Variants in PIK3CA observed in about 807,000 individuals in gnomAD.
PIK3CA encodes phosphatidylinositol-4,5-bisphosphate 3-kinase catalytic subunit alpha.
PIK3CA carries 27 observed loss-of-function variants against 138.2 expected under a neutral mutation model. The observed-to-expected ratio is 0.20, with a 90% confidence interval of 0.14 to 0.27. The LOEUF is 0.27. Ranked by LOEUF, PIK3CA falls within the 10% of genes least tolerant of loss-of-function variation. The pLI is 1.00. For missense variants in PIK3CA, 544 were observed against 1,277.4 expected (o/e 0.43, Z 8.75); for synonymous variants, 358 against 413.2 (o/e 0.87, Z 1.62).
chr3:179,189,058 A>T (rs1403033986), intron 1 of PIK3CA, among the ~76,000 whole-genome samples: 1 of 116,108 alleles, frequency 8.6e-6, no homozygotes, highest in Non-Finnish European at 1.9e-5. Context: ...CTAAAAATAC[A>T]AAAAAGTTAG....
chr3:179,193,670 C>A (rs1318032389), intron 1 of PIK3CA, among the ~76,000 whole-genome samples: 1 of 152,242 alleles, frequency 6.6e-6, no homozygotes, highest in African/African-American at 2.4e-5. Flanking sequence ...GCAAATGGGA[C>A]TGCTCTATTT....
chr3:179,166,068 T>C (rs112194948), intron 1 of PIK3CA, among the ~76,000 whole-genome samples: 5,676 of 152,104 alleles, frequency 0.037, 117 homozygotes, highest in Admixed American at 0.041. Context: ...TTTAGATCTT[T>C]TATTTAATCT....
Position 179,201,436 on chromosome 3 carries a change from G to A in PIK3CA, c.709G>A (p.Glu237Lys), listed in dbSNP as rs1724406892. The A allele has an allele frequency of 1.2e-6, 2 of 1,613,796 alleles. No homozygotes were observed. Among genetic ancestry groups the A allele is most frequent in the Non-Finnish European group, 1.7e-6 (2 of 1,179,864 alleles). The change falls in exon 4 of 21, where the codon GAA becomes AAA. Residue 237 changes from glutamate to lysine, a missense_variant. Glu to Lys is a moderately conservative substitution (Grantham distance 56, BLOSUM62 1). Transcript: ENST00000263967. ...AACTCGAAGTATGTTGCTATCCTCTGAACAACTAAAACTCTGTGTTTTAGA... is the reference window on the plus strand; with the variant it reads ...AACTCGAAGTATGTTGCTATCCTCTAAACAACTAAAACTCTGTGTTTTAGA... ...KKTRSMLLSS[E>K]QLKLCVLEYQ...
chr3:179,222,689 C>T (rs1026386809), intron 14 of PIK3CA, among the ~76,000 whole-genome samples: 4 of 152,128 alleles, frequency 2.6e-5, no homozygotes, highest in Admixed American at 6.6e-5. Context: ...AGCTGCGGCT[C>T]GCTGCTGCTA....
chr3:179,198,570 AAATT>A (rs1724325728), intron 1 of PIK3CA, among the ~76,000 whole-genome samples, 176 bp from the exon 2 acceptor site: 1 of 152,248 alleles, frequency 6.6e-6, no homozygotes, highest in Non-Finnish European at 1.5e-5. Flanking sequence ...CTGCTGAAAT[AAATT>A]CTTTGTAGCC....
intron 1 of PIK3CA, among the ~76,000 whole-genome samples, chr3:179,171,464 A>G (rs1359454054): frequency 1.3e-5 from 2 of 152,156 alleles, no homozygotes; most frequent in Non-Finnish European, 2.9e-5. Flanking sequence ...AAATCAAGGA[A>G]ATCAAAAGCT....
intron 9 of PIK3CA, among the ~76,000 whole-genome samples, chr3:179,213,040 T>C (rs940051238): frequency 6.6e-6 from 1 of 152,094 alleles, no homozygotes; most frequent in Admixed American, 6.5e-5. Flanking sequence ...GGGTCAGCTG[T>C]ATAAATCACA....
At position 179,201,549 on chromosome 3, in the gene PIK3CA, C is replaced by A. The variant is rs2108390271; in HGVS notation, c.813+9C>A. 4.0e-6 allele frequency: 6 copies of A among 1,517,708 alleles called. No individual in the cohort carries two copies. Among genetic ancestry groups the A allele is most frequent in the East Asian group, 4.6e-5 (2 of 43,392 alleles). 94.0% of individuals were successfully genotyped at this position (1,517,708 alleles called of 1,614,324 possible). A position where few individuals can be genotyped will look rare whatever the true frequency, so the allele number is the denominator to read the frequency against. On this transcript the variant is annotated intron_variant, in intron 4 of 20. Coordinates refer to ENST00000263967, the MANE Select transcript of PIK3CA (RefSeq NM_006218.4). ...CTCTGAGTCAGTATAAGGTGAGTAA[C>A]AAGTTTCAAAATATTAATTTTTAAT...
At chr3:179,194,994 C>T (rs1724228834) in intron 1 of PIK3CA, among the ~76,000 whole-genome samples, 1 of 129,494 alleles carries the variant, frequency 7.7e-6, no homozygotes, top group South Asian at 2.7e-4. Context: ...TAGAGCCTGA[C>T]ATTAAGCAGG....
intron 1 of PIK3CA, among the ~76,000 whole-genome samples, chr3:179,154,628 T>TTTCTATA (rs1723089575): frequency 6.6e-6 from 1 of 152,204 alleles, no homozygotes; most frequent in African/African-American, 2.4e-5. Context: ...TTTGTGTCTT[T>TTTCTATA]TTCTATATTG....
chr3:179,199,287 T>A, intron 2 of PIK3CA, 110 bp downstream of exon 2: 1 of 646,444 alleles, frequency 1.5e-6, no homozygotes, highest in Non-Finnish European at 2.5e-6. Flanking sequence ...TAAATAGCTT[T>A]CTAAATAAAA....
intron 1 of PIK3CA, among the ~76,000 whole-genome samples, chr3:179,178,261 C>CAAAA (rs60887179): frequency 2.5e-5 from 2 of 79,880 alleles, no homozygotes; most frequent in African/African-American, 3.7e-5. Context: ...CTCTAAAGAT[C>CAAAA]AAAAAAAAAA....
chr3:179,181,257 C>T (rs779748757), intron 1 of PIK3CA, among the ~76,000 whole-genome samples: 1 of 152,062 alleles, frequency 6.6e-6, no homozygotes, highest in Non-Finnish European at 1.5e-5. Context: ...GACTAAATTA[C>T]TGGTATCAGC....
rs953553613 is a variant in PIK3CA at position 179,220,419 on chromosome 3, A to G, written c.2015+367A>G. 2.0e-5 allele frequency among the ~76,000 whole-genome samples: 3 copies of G among 152,188 alleles called. No individual in the cohort carries two copies. The highest frequency in any genetic ancestry group is 2.9e-5 in the Non-Finnish European group (2 of 68,024). On this transcript the variant is annotated intron_variant, in intron 13 of 20. Transcript: ENST00000263967. The surrounding 1 kb of genome is among the most constrained non-coding windows in gnomAD (Gnocchi z 4.1). ...TACCTTGAAATTCAGAACAATGTCA[A>G]ACTCCCGTGGTTCTTACTGAAAAAC...
At chr3:179,184,690 A>C (rs1028177173) in intron 1 of PIK3CA, among the ~76,000 whole-genome samples, 12 of 152,182 alleles carry the variant, frequency 7.9e-5, no homozygotes, top group Non-Finnish European at 1.6e-4. Context: ...CCTAGACTGA[A>C]AATCTTCTGT....
rs189855905 is a variant in PIK3CA at position 179,231,229 on chromosome 3, A to G, written c.2936+853A>G. On this transcript the variant is annotated intron_variant, in intron 20 of 20. Coordinates refer to ENST00000263967, the MANE Select transcript of PIK3CA (RefSeq NM_006218.4). Reference sequence around the variant, plus strand: ...TCAGTGGGTACTTAACGTTGGTTTCATATCTTTGCAATTGTGAATTGTGCT... The same window carrying G: ...TCAGTGGGTACTTAACGTTGGTTTCGTATCTTTGCAATTGTGAATTGTGCT... Among the ~76,000 whole-genome samples, 189 of 152,288 alleles carry G rather than the reference A, an allele frequency of 1.2e-3. 1 individual carries two copies. Among genetic ancestry groups the G allele is most frequent in the African/African-American group, 4.2e-3 (176 of 41,568 alleles).
chr3:179,206,231 G>C (rs1724557930), intron 6 of PIK3CA, among the ~76,000 whole-genome samples: 1 of 150,754 alleles, frequency 6.6e-6, no homozygotes, highest in Non-Finnish European at 1.5e-5. Flanking sequence ...CTTATTTTTT[G>C]TATTTTCAGT....
At chr3:179,224,853 A>G (rs200296131) in intron 16 of PIK3CA, 32 bp downstream of exon 16, 21 of 1,511,200 alleles carry the variant, frequency 1.4e-5, no homozygotes, top group Non-Finnish European at 1.9e-5. Context: ...CTTATGATGC[A>G]TGAATTTAGC....
intron 6 of PIK3CA, among the ~76,000 whole-genome samples, chr3:179,208,830 C>G (rs1402879570): frequency 2.0e-5 from 3 of 151,388 alleles, no homozygotes; most frequent in African/African-American, 4.8e-5. Context: ...CTTTATGTAT[C>G]CATCATTTTA....
Sources: gnomAD v4.1 joint callset for allele counts (sites outside exome capture counted in the v4.1 genomes callset) on GRCh38, gnomAD v4.1.1 for gene constraint, Gnocchi (gnomAD v3.1) non-coding constraint, MANE v1.5 for transcripts, NCBI Gene and HGNC (gene_info 2026-07-23, HGNC 2026-07-21) for gene names.